The following MYOZ2 variants were observed in gnomAD, a reference collection of about 807,000 sequenced individuals.
The protein encoded by MYOZ2 is myozenin 2.
In MYOZ2, 19 loss-of-function variants were observed where a neutral mutation model predicts 25.4. The ratio of observed to expected loss-of-function variants is 0.75; its 90% CI spans 0.52 to 1.10. The LOEUF (loss-of-function observed/expected upper bound fraction) is 1.10, where lower values mean the gene tolerates loss of function less well. MYOZ2 is among the 50% of genes least tolerant of loss of function. MYOZ2 has a pLI of 0.00. For synonymous variants in MYOZ2, 92 were observed against 106.9 expected (o/e 0.86, Z 0.86); for missense variants, 270 against 317.9 (o/e 0.85, Z 1.15).
intron 5 of MYOZ2, among the ~76,000 whole-genome samples, chr4:119,175,688 G>C (rs897262406): frequency 2.0e-5 from 3 of 151,792 alleles, no homozygotes; most frequent in African/African-American, 7.3e-5. Context: ...GGAGACAGAG[G>C]TTGCTGTGAG....
chr4:119,167,656 A>T (rs1741851057), intron 5 of MYOZ2, among the ~76,000 whole-genome samples: 1 of 152,244 alleles, frequency 6.6e-6, no homozygotes. Flanking sequence ...TTGAAGCTTC[A>T]AAGAACAAGC....
intron 3 of MYOZ2, among the ~76,000 whole-genome samples, chr4:119,154,850 T>C (rs143248390): frequency 0.011 from 1,201 of 108,232 alleles, 22 homozygotes; most frequent in African/African-American, 0.038. Context: ...TGCAAAAATG[T>C]TATATTACAC....
intron 5 of MYOZ2, among the ~76,000 whole-genome samples, chr4:119,175,157 A>T (rs1742039018): frequency 6.6e-6 from 1 of 152,058 alleles, no homozygotes; most frequent in Non-Finnish European, 1.5e-5. Flanking sequence ...ACACAGTAGG[A>T]GATGGGAGGT....
intron 2 of MYOZ2, among the ~76,000 whole-genome samples, chr4:119,148,725 A>ATTTT (rs202187477): frequency 2.5e-4 from 17 of 67,136 alleles, no homozygotes; most frequent in African/African-American, 6.5e-4. Context: ...CTCGACTGAG[A>ATTTT]TTTTTTTTTT....
intron 3 of MYOZ2, among the ~76,000 whole-genome samples, chr4:119,152,054 G>A (rs1256085846): frequency 6.6e-6 from 1 of 151,902 alleles, no homozygotes; most frequent in Non-Finnish European, 1.5e-5. Context: ...TCCTTGTTAT[G>A]TTTTTTGTTA....
intron 3 of MYOZ2, among the ~76,000 whole-genome samples, chr4:119,155,215 C>T (rs768993126): frequency 6.6e-5 from 10 of 152,138 alleles, no homozygotes; most frequent in Non-Finnish European, 1.3e-4. Context: ...CATGACCAAA[C>T]GCCTCCCATT....
rs1451923230 is a variant in MYOZ2 at position 119,186,215 on chromosome 4, G to T, written c.*15G>T. 1 of 1,591,000 alleles carries T rather than the reference G, an allele frequency of 6.3e-7. No individual in the cohort carries two copies. The highest frequency in any genetic ancestry group is 1.3e-5 in the African/African-American group (1 of 74,320). Reference sequence around the variant, plus strand: ...AAGACCTATGAAAAGAAAGTTGTATGTGCCACATAAAACTCTGAATATAAA... The same window carrying T: ...AAGACCTATGAAAAGAAAGTTGTATTTGCCACATAAAACTCTGAATATAAA... On this transcript the variant is annotated 3_prime_UTR_variant, in exon 6 of 6. Coordinates refer to ENST00000307128, the MANE Select transcript of MYOZ2 (RefSeq NM_016599.5).
chr4:119,171,453 A>G (rs1741943148), intron 5 of MYOZ2, among the ~76,000 whole-genome samples: 1 of 152,010 alleles, frequency 6.6e-6, no homozygotes, highest in African/African-American at 2.4e-5. Context: ...AATAATCTCA[A>G]TAGGTATCTG....
chr4:119,156,559 G>A (rs1318711259), intron 3 of MYOZ2, among the ~76,000 whole-genome samples: 4 of 152,086 alleles, frequency 2.6e-5, no homozygotes, highest in African/African-American at 9.7e-5. Flanking sequence ...TTTAACCTCA[G>A]GCAGAGACAG....
intron 5 of MYOZ2, among the ~76,000 whole-genome samples, chr4:119,164,957 TTC>T (rs1397342868): frequency 6.6e-6 from 1 of 151,878 alleles, no homozygotes; most frequent in Non-Finnish European, 1.5e-5. Flanking sequence ...GCATCCATTT[TTC>T]TCTGTTATTC....
At chr4:119,152,197 A>AAGAATCAATCT (rs760956680) in intron 3 of MYOZ2, among the ~76,000 whole-genome samples, 34,234 of 151,980 alleles carry the variant, frequency 0.23, 4,589 homozygotes, top group South Asian at 0.35. Context: ...TATAGTATTT[A>AAGAATCAATCT]TACTTGTGAA....
At chr4:119,172,018 A>G (rs1741958296) in intron 5 of MYOZ2, among the ~76,000 whole-genome samples, 2 of 151,996 alleles carry the variant, frequency 1.3e-5, no homozygotes, top group South Asian at 4.1e-4. Flanking sequence ...AATGGCATTC[A>G]GCAATGATAA....
intron 5 of MYOZ2, among the ~76,000 whole-genome samples, chr4:119,185,119 CCCCTT>C (rs944696551): frequency 2.0e-5 from 3 of 151,314 alleles, no homozygotes; most frequent in African/African-American, 7.3e-5. Flanking sequence ...CCCCTCCCCT[CCCCTT>C]CCCTTTCCTT....
intron 5 of MYOZ2, among the ~76,000 whole-genome samples, chr4:119,180,836 A>G (rs1361382275): frequency 1.3e-5 from 2 of 152,122 alleles, no homozygotes; most frequent in Admixed American, 1.3e-4. Flanking sequence ...GATTATAGGC[A>G]TGAGCCATTG....
chr4:119,179,072 A>G (rs1561132740), intron 5 of MYOZ2, among the ~76,000 whole-genome samples: 1 of 152,240 alleles, frequency 6.6e-6, no homozygotes. Flanking sequence ...AATGCAAATC[A>G]GGTCGTGTCC....
intron 2 of MYOZ2, among the ~76,000 whole-genome samples, chr4:119,146,282 T>G (rs4834756): frequency 0.59 from 89,069 of 151,264 alleles, 28,498 homozygotes; most frequent in Non-Finnish European, 0.72. Flanking sequence ...TTTATTTTGT[T>G]CATCTTTTTT....
intron 2 of MYOZ2, among the ~76,000 whole-genome samples, chr4:119,142,280 G>T (rs1741173392): frequency 6.6e-6 from 1 of 152,148 alleles, no homozygotes; most frequent in South Asian, 2.1e-4. Context: ...AGTTACAATG[G>T]ATATAAATAA....
Position 119,170,638 on chromosome 4 carries a change from C to T in MYOZ2, c.560+6244C>T, listed in dbSNP as rs192854633. On this transcript the variant is annotated intron_variant, in intron 5 of 5. Coordinates refer to ENST00000307128, the MANE Select transcript of MYOZ2 (RefSeq NM_016599.5). ...GAGGCAGAAAGTGTTCAAGCTGCAA[C>T]GTGGAGAAAATAGGATTTAAGATGC... Among the ~76,000 whole-genome samples, 143 of 152,032 alleles carry T rather than the reference C, an allele frequency of 9.4e-4. 1 individual carries two copies. Among genetic ancestry groups the T allele is most frequent in the Middle Eastern group, 6.8e-3 (2 of 294 alleles).
At chr4:119,180,533 T>C (rs1742165837) in intron 5 of MYOZ2, among the ~76,000 whole-genome samples, 1 of 152,198 alleles carries the variant, frequency 6.6e-6, no homozygotes, top group Admixed American at 6.5e-5. Context: ...AATAGCAGCT[T>C]GCATTTGTAT....
Sources: gnomAD v4.1 joint callset for allele counts (sites outside exome capture counted in the v4.1 genomes callset) on GRCh38, gnomAD v4.1.1 for gene constraint, MANE v1.5 for transcripts, NCBI Gene and HGNC (gene_info 2026-07-23, HGNC 2026-07-21) for gene names.